CTNNA3: variants seen among roughly 807,000 people sequenced by gnomAD.
CTNNA3 encodes catenin alpha 3, also known as catenin alpha-3.
A neutral mutation model predicts 95.7 loss-of-function variants in CTNNA3; 76 were observed. The ratio of observed to expected loss-of-function variants is 0.79; its 90% CI spans 0.66 to 0.96. The LOEUF is 0.96. Among genes scored for constraint, CTNNA3 ranks in the 40% least tolerant of loss-of-function variants. The pLI is 0.00. For synonymous variants in CTNNA3, 431 were observed against 374.4 expected (o/e 1.15, Z -1.74); for missense variants, 1,191 against 1,089.8 (o/e 1.09, Z -1.31).
chr10:66,841,642 C>A, intron 7 of CTNNA3, among the ~76,000 whole-genome samples: 1 of 152,138 alleles, frequency 6.6e-6, no homozygotes, highest in South Asian at 2.1e-4. Flanking sequence ...TGAATTAAGT[C>A]TGTCTATGCA....
chr10:66,331,843 T>G (rs528580883), intron 12 of CTNNA3, among the ~76,000 whole-genome samples: 14 of 152,102 alleles, frequency 9.2e-5, no homozygotes, highest in African/African-American at 2.9e-4. Flanking sequence ...GTGAAGAAAG[T>G]CATTGGTAGC....
chr10:66,288,294 A>T (rs2091623649), intron 12 of CTNNA3, among the ~76,000 whole-genome samples: 1 of 152,066 alleles, frequency 6.6e-6, no homozygotes, highest in Admixed American at 6.6e-5. Flanking sequence ...ATATGAGAAG[A>T]TAGATTTGTC....
chr10:66,137,413 G>A (rs1481052861), intron 13 of CTNNA3, among the ~76,000 whole-genome samples: 5 of 152,086 alleles, frequency 3.3e-5, no homozygotes, highest in Non-Finnish European at 7.4e-5. Flanking sequence ...TAGGAGGACT[G>A]TTCTGGATTA....
chr10:66,793,308 AT>A (rs1432651878), intron 7 of CTNNA3, among the ~76,000 whole-genome samples: 1 of 151,510 alleles, frequency 6.6e-6, no homozygotes, highest in African/African-American at 2.4e-5. Flanking sequence ...CACCCAGAAA[AT>A]TTTTTTCTAT....
chr10:67,053,723 T>C (rs896857687), intron 7 of CTNNA3, among the ~76,000 whole-genome samples: 1 of 151,986 alleles, frequency 6.6e-6, no homozygotes, highest in Non-Finnish European at 1.5e-5. Context: ...AAATAAATGG[T>C]GGTAAGCAAT....
intron 15 of CTNNA3, among the ~76,000 whole-genome samples, chr10:66,037,382 A>AT (rs1564594917): frequency 6.6e-6 from 1 of 152,188 alleles, no homozygotes; most frequent in Non-Finnish European, 1.5e-5. Flanking sequence ...AAGCTGCCAA[A>AT]TATAATTTGA....
intron 10 of CTNNA3, among the ~76,000 whole-genome samples, chr10:66,521,505 C>T (rs895130740): frequency 1.3e-5 from 2 of 151,944 alleles, no homozygotes; most frequent in African/African-American, 2.4e-5. Context: ...CAGTGATTTC[C>T]CATGGATATT....
intron 1 of CTNNA3, among the ~76,000 whole-genome samples, chr10:67,692,736 TAAAAAAAA>T (rs200961420): frequency 0.057 from 4,594 of 80,836 alleles, 531 homozygotes; most frequent in East Asian, 0.51. Context: ...GAATGATCAA[TAAAAAAAA>T]AAAAAAAAAA....
At chr10:67,074,835 T>C (rs1326747889) in intron 7 of CTNNA3, among the ~76,000 whole-genome samples, 1 of 152,228 alleles carries the variant, frequency 6.6e-6, no homozygotes, top group African/African-American at 2.4e-5. Context: ...TGTATGTATA[T>C]TATGAATTAT....
At chr10:67,559,450 T>C (rs1156910894) in intron 3 of CTNNA3, among the ~76,000 whole-genome samples, 2 of 151,784 alleles carry the variant, frequency 1.3e-5, no homozygotes, top group Non-Finnish European at 2.9e-5. Context: ...GAAGGAAAAA[T>C]AACAAACAGA....
intron 11 of CTNNA3, among the ~76,000 whole-genome samples, chr10:66,415,274 C>T (rs1431761853): frequency 6.6e-6 from 1 of 152,050 alleles, no homozygotes; most frequent in Non-Finnish European, 1.5e-5. Flanking sequence ...TTTAGTTCAC[C>T]ACTGATGACA....
intron 7 of CTNNA3, among the ~76,000 whole-genome samples, chr10:67,053,826 C>T (rs953375308): frequency 1.3e-5 from 2 of 152,258 alleles, no homozygotes; most frequent in African/African-American, 4.8e-5. Flanking sequence ...GAAGCCAAAA[C>T]AAAATCCGAG....
chr10:66,734,829 C>T (rs1849079091), intron 9 of CTNNA3, among the ~76,000 whole-genome samples: 2 of 149,472 alleles, frequency 1.3e-5, no homozygotes, highest in Admixed American at 1.3e-4. Context: ...TGCCACTGCA[C>T]TCCAGCCTGG....
At chr10:66,556,185 T>C (rs904060680) in intron 10 of CTNNA3, among the ~76,000 whole-genome samples, 1 of 151,948 alleles carries the variant, frequency 6.6e-6, no homozygotes, top group African/African-American at 2.4e-5. Flanking sequence ...CCTGTAAGGA[T>C]GAATATTATA....
At chr10:66,479,188 G>A (rs1839428535) in intron 11 of CTNNA3, among the ~76,000 whole-genome samples, 1 of 151,666 alleles carries the variant, frequency 6.6e-6, no homozygotes, top group African/African-American at 2.4e-5. Flanking sequence ...TATCTATCAA[G>A]TCTCTACATA....
At chr10:67,579,030 T>TACAC (rs1426822390) in intron 3 of CTNNA3, among the ~76,000 whole-genome samples, 1 of 83,146 alleles carries the variant, frequency 1.2e-5, no homozygotes, top group Non-Finnish European at 2.1e-5. Context: ...TATATATATA[T>TACAC]ATACACACAC....
At chr10:67,619,318 T>C (rs564707386) in intron 2 of CTNNA3, among the ~76,000 whole-genome samples, 1 of 152,222 alleles carries the variant, frequency 6.6e-6, no homozygotes, top group East Asian at 1.9e-4. Context: ...ATCCATACAT[T>C]TACAGCCAAC....
intron 1 of CTNNA3, among the ~76,000 whole-genome samples, chr10:67,663,191 G>A (rs1210658288): frequency 6.6e-6 from 1 of 152,066 alleles, no homozygotes; most frequent in Middle Eastern, 3.2e-3. Context: ...CATCTGATCA[G>A]TTATGTGTTA....
intron 9 of CTNNA3, among the ~76,000 whole-genome samples, chr10:66,761,731 T>A (rs961387125): frequency 1.3e-5 from 2 of 152,172 alleles, no homozygotes; most frequent in Non-Finnish European, 2.9e-5. Context: ...GGTTAGAAAC[T>A]ATATCTCTGA....
Sources: allele counts gnomAD v4.1 joint callset (sites outside exome capture counted in the v4.1 genomes callset), GRCh38; gene constraint gnomAD v4.1.1; transcripts MANE v1.5; gene names NCBI Gene and HGNC (gene_info 2026-07-23, HGNC 2026-07-21).